The following DCLK1 variants were observed in gnomAD, a reference collection of about 807,000 sequenced individuals.
DCLK1 encodes the protein serine/threonine-protein kinase DCLK1.
In DCLK1, 16 loss-of-function variants were observed where a neutral mutation model predicts 86.2. That is an observed-to-expected ratio of 0.19 (90% CI 0.13 to 0.28). The LOEUF (loss-of-function observed/expected upper bound fraction) is 0.28. Among genes scored for constraint, DCLK1 ranks in the 10% least tolerant of loss-of-function variants. DCLK1 has a pLI of 1.00. For missense variants in DCLK1, 590 were observed against 940.2 expected, an observed-to-expected ratio of 0.63 and a Z score of 4.87; for synonymous variants, 369 against 370.5, an observed-to-expected ratio of 1.00 and a Z score of 0.05.
chr13:35,938,808 C>T, intron 4 of DCLK1, among the ~76,000 whole-genome samples: 1 of 152,102 alleles, frequency 6.6e-6, no homozygotes, highest in Non-Finnish European at 1.5e-5. Context: ...CAGGATTCAC[C>T]TATAATTCTA....
intron 4 of DCLK1, among the ~76,000 whole-genome samples, chr13:35,894,001 T>C (rs372973109): frequency 6.6e-5 from 10 of 152,204 alleles, no homozygotes; most frequent in African/African-American, 1.9e-4. Flanking sequence ...ATACAATTAC[T>C]ATAAAAATAA....
intron 4 of DCLK1, among the ~76,000 whole-genome samples, chr13:35,931,813 G>A (rs1158243190): frequency 6.6e-6 from 1 of 152,138 alleles, no homozygotes; most frequent in East Asian, 1.9e-4. Flanking sequence ...AATATTTCCT[G>A]AGCTGTTACT....
intron 4 of DCLK1, among the ~76,000 whole-genome samples, chr13:35,916,037 C>T (rs924253762): frequency 6.6e-6 from 1 of 152,122 alleles, no homozygotes; most frequent in Admixed American, 6.5e-5. Flanking sequence ...TCAATGCAAT[C>T]CTTACCCTAA....
At chr13:35,855,496 T>A in intron 5 of DCLK1, 1 of 1,602,468 alleles carries the variant, frequency 6.2e-7, no homozygotes, top group Non-Finnish European at 8.5e-7. Context: ...AGAGCAGCAA[T>A]GCATTTCACT....
chr13:35,818,781 A>C (rs73510429), intron 11 of DCLK1, among the ~76,000 whole-genome samples: 4 of 151,838 alleles, frequency 2.6e-5, no homozygotes, highest in Non-Finnish European at 2.9e-5. Context: ...TGTAAACTGA[A>C]GGTATTAATT....
chr13:35,886,959 C>G (rs1484136475), intron 4 of DCLK1, among the ~76,000 whole-genome samples: 1 of 152,192 alleles, frequency 6.6e-6, no homozygotes, highest in Non-Finnish European at 1.5e-5. Context: ...CCCATGGCCA[C>G]TCCTCTTTCA....
intron 3 of DCLK1, among the ~76,000 whole-genome samples, chr13:36,087,156 G>A (rs1187379995): frequency 1.3e-5 from 2 of 152,058 alleles, no homozygotes; most frequent in Non-Finnish European, 2.9e-5. Context: ...ATGATCGATC[G>A]CCATTCCAAC....
chr13:35,794,279 G>A (rs1027368504), intron 15 of DCLK1, among the ~76,000 whole-genome samples: 12 of 152,330 alleles, frequency 7.9e-5, no homozygotes, highest in African/African-American at 2.9e-4. Flanking sequence ...GAATCTCCAG[G>A]TCTTAGCATA....
chr13:35,946,284 G>T (rs150194250), intron 4 of DCLK1, among the ~76,000 whole-genome samples: 1,635 of 152,338 alleles, frequency 0.011, 10 homozygotes, highest in Non-Finnish European at 0.017. Flanking sequence ...GGTTACAGGT[G>T]TGAGCCACCA....
intron 5 of DCLK1, among the ~76,000 whole-genome samples, chr13:35,856,963 G>C (rs1001731914): frequency 1.3e-5 from 2 of 152,180 alleles, no homozygotes; most frequent in African/African-American, 4.8e-5. Flanking sequence ...AACCTAGGCA[G>C]TTCAAAACCT....
At chr13:36,079,516 C>A (rs1286759888) in intron 3 of DCLK1, among the ~76,000 whole-genome samples, 1 of 152,012 alleles carries the variant, frequency 6.6e-6, no homozygotes, top group Non-Finnish European at 1.5e-5. Context: ...CATGTAATCC[C>A]AGCTACTTGG....
intron 4 of DCLK1, among the ~76,000 whole-genome samples, chr13:35,944,824 G>A (rs1877275508): frequency 6.6e-6 from 1 of 151,918 alleles, no homozygotes; most frequent in South Asian, 2.1e-4. Flanking sequence ...GTCCTGGGGT[G>A]TGTGTGTGTG....
chr13:35,837,564 T>C (rs531658194), intron 7 of DCLK1, among the ~76,000 whole-genome samples: 23 of 152,168 alleles, frequency 1.5e-4, no homozygotes, highest in African/African-American at 5.3e-4. Context: ...GATGACACAA[T>C]CTTAAGGCTC....
At position 35,889,854 on chromosome 13, in the gene DCLK1, A is replaced by T. The variant is rs113260551; in HGVS notation, c.824-18514T>A. On this transcript the variant is annotated intron_variant, in intron 4 of 16. Coordinates refer to ENST00000360631, the MANE Select transcript of DCLK1 (RefSeq NM_001330071.2). The stretch of plus-strand genomic sequence containing the variant: ...ACTAACAGACTATCATAGCCATGTA[A>T]TTAACAGTGACATATTTACTTGAAA... Among the ~76,000 whole-genome samples the T allele has an allele frequency of 6.8e-3, 1,032 of 152,338 alleles. 17 individuals carry two copies. The highest frequency in any genetic ancestry group is 0.023 in the African/African-American group (972 of 41,580).
rs568744745 is a variant in DCLK1, at chr13:36,095,742, T to G, written c.723+16127A>C. On this transcript the variant is annotated intron_variant, in intron 3 of 16. Transcript: ENST00000360631. ...CCTCATCTGAGAAGCATAACTTTCT[T>G]GAGGATATGGCCATAGCAGTCATAA... Among the ~76,000 whole-genome samples, 169 of 148,566 alleles carry G rather than the reference T, an allele frequency of 1.1e-3. 1 individual carries two copies. Among genetic ancestry groups the G allele is most frequent in the Non-Finnish European group, 2.0e-3 (129 of 65,808 alleles).
chr13:35,819,814 C>T (rs558194139), intron 11 of DCLK1, among the ~76,000 whole-genome samples: 24 of 152,002 alleles, frequency 1.6e-4, no homozygotes, highest in African/African-American at 5.3e-4. Context: ...ATTTTCACTA[C>T]ATATATTATC....
At position 35,810,885 on chromosome 13, in the gene DCLK1, T is replaced by C. The variant is rs779438992; in HGVS notation, c.1638A>G (p.Thr546=). The C allele has an allele frequency of 1.2e-6, 2 of 1,614,066 alleles. No individual in the cohort carries two copies. The highest frequency in any genetic ancestry group is 3.3e-5 in the Admixed American group (2 of 60,012). Residue 546 remains threonine (T), a synonymous_variant, in exon 12 of 17, where the codon ACA becomes ACG. Coordinates refer to ENST00000360631, the MANE Select transcript of DCLK1 (RefSeq NM_001330071.2). ...LATIVDGPLY[T]VCGTPTYVAP... ...CCACGTATGTTGGGGTGCCACAGAC[T>C]GTGTACAGGGGGCCGTCTACAATGG...
intron 16 of DCLK1, among the ~76,000 whole-genome samples, chr13:35,778,005 C>A (rs2086455320): frequency 6.6e-6 from 1 of 152,262 alleles, no homozygotes; most frequent in Admixed American, 6.5e-5. Flanking sequence ...TGGACATCGT[C>A]TCTGTGTTTT....
Position 35,772,717 on chromosome 13 carries a change from C to G in DCLK1, c.*1818G>C, listed in dbSNP as rs2086356342. On this transcript the variant is annotated 3_prime_UTR_variant, in exon 17 of 17. Coordinates refer to ENST00000360631, the MANE Select transcript of DCLK1 (RefSeq NM_001330071.2). ...ACGATATGCTTTTTACATGTCAGGACAACACAGACCACAGAGATGAACCTA... is the reference window on the plus strand; with the variant it reads ...ACGATATGCTTTTTACATGTCAGGAGAACACAGACCACAGAGATGAACCTA... 1 of 151,700 alleles carries G rather than the reference C, an allele frequency of 6.6e-6. No homozygotes were observed. Among genetic ancestry groups the G allele is most frequent in the African/African-American group, 2.4e-5 (1 of 41,262 alleles). 9.4% of individuals were successfully genotyped at this position (151,700 alleles called of 1,614,324 possible). A position where few individuals can be genotyped will look rare whatever the true frequency, so the allele number is the denominator to read the frequency against.
Sources: gnomAD v4.1 joint callset for allele counts (sites outside exome capture counted in the v4.1 genomes callset) on GRCh38, gnomAD v4.1.1 for gene constraint, MANE v1.5 for transcripts, NCBI Gene and HGNC (gene_info 2026-07-23, HGNC 2026-07-21) for gene names.